TTC21A: variants seen among roughly 807,000 people sequenced by gnomAD.
TTC21A encodes the protein tetratricopeptide repeat domain 21A, also known as tetratricopeptide repeat protein 21A.
Under a neutral mutation model 156.4 loss-of-function variants are expected in TTC21A, and 128 were observed. That is an observed-to-expected ratio of 0.82 (90% confidence interval 0.71 to 0.95). The LOEUF is 0.95. Ranked by LOEUF, TTC21A falls within the 40% of genes least tolerant of loss-of-function variation. The pLI, the probability that TTC21A is intolerant of heterozygous loss-of-function variation, is 0.00. For synonymous variants in TTC21A, 587 were observed against 617.1 expected, an observed-to-expected ratio of 0.95 and a Z score of 0.72; for missense variants, 1,435 against 1,602.3, an observed-to-expected ratio of 0.90 and a Z score of 1.78.
chr3:39,129,540 C>A (rs546821231), intron 15 of TTC21A, among the ~76,000 whole-genome samples: 1 of 152,352 alleles, frequency 6.6e-6, no homozygotes, highest in East Asian at 1.9e-4. Flanking sequence ...CTTGCCTCCC[C>A]CTCACCTGCT....
At chr3:39,126,127 A>G in intron 11 of TTC21A, 134 bp from the exon 12 acceptor site, 2 of 1,106,972 alleles carry the variant, frequency 1.8e-6, no homozygotes, top group South Asian at 1.5e-5. Flanking sequence ...TCTAAGCACT[A>G]GGTGATACAG....
At chr3:39,110,335 A>G (rs1023824775) in intron 3 of TTC21A, 196 bp downstream of exon 3, 6 of 641,888 alleles carry the variant, frequency 9.3e-6, no homozygotes, top group Non-Finnish European at 1.1e-5. Context: ...CCTGGGCCCA[A>G]CTGAGTGGAA....
intron 7 of TTC21A, chr3:39,118,453 A>G (rs1262119919): frequency 2.1e-6 from 1 of 476,362 alleles, no homozygotes; most frequent in African/African-American, 1.9e-5. Context: ...TCCTGTTTGT[A>G]AAATAGACAG....
rs1559682351 is a variant in TTC21A, at chr3:39,119,654, A to AAAAAAAAG, written c.802-261_802-260insGAAAAAAA. The AAAAAAAAG allele has an allele frequency of 1.5e-3, 317 of 211,268 alleles. 2 individuals carry two copies. The highest frequency in any genetic ancestry group is 5.9e-3 in the African/African-American group (235 of 39,898). 13.1% of individuals were successfully genotyped at this position (211,268 alleles called of 1,614,324 possible). On this transcript the variant is annotated intron_variant, in intron 7 of 28. Transcript: ENST00000683103. ...GTCAAAAAAAAAAAAGAAAAAAAAGAAAAAAAAAAAACAAATTCAAGAACA... is the reference window on the plus strand; with the variant it reads ...GTCAAAAAAAAAAAAGAAAAAAAAGAAAAAAAAGAAAAAAAAAAACAAATTCAAGAACA...
chr3:39,121,074 C>T lies in TTC21A; in HGVS notation c.978C>T (p.Val326=). The change falls in exon 9 of 29, where the codon GTC becomes GTT. Residue 326 remains valine, a synonymous_variant. Coordinates refer to ENST00000683103, the MANE Select transcript of TTC21A (RefSeq NM_001366900.1). ...CCTTCATGGCCACCCCCTCGTATGT[C>T]CATGTGGCCACAGAACTGGGCTATC... The part of the protein sequence containing the change: ...ERTFMATPSY[V]HVATELGYLF... 1 of 1,614,128 alleles carries T rather than the reference C, an allele frequency of 6.2e-7. No homozygotes were observed. The highest frequency in any genetic ancestry group is 8.5e-7 in the Non-Finnish European group (1 of 1,179,998).
chr3:39,116,926 T>C (rs1021418024), intron 6 of TTC21A, among the ~76,000 whole-genome samples: 1 of 152,200 alleles, frequency 6.6e-6, no homozygotes, highest in African/African-American at 2.4e-5. Flanking sequence ...AGGCTGGTCT[T>C]GAACTCCTGG....
chr3:39,118,204 G>A (rs1419062560), intron 7 of TTC21A, 51 bp downstream of exon 7: 2 of 1,572,794 alleles, frequency 1.3e-6, no homozygotes, highest in Admixed American at 1.7e-5. Flanking sequence ...AATCAAGGAG[G>A]AACCCTTCAT....
intron 3 of TTC21A, 74 bp from the exon 4 acceptor site, chr3:39,110,777 C>T: frequency 1.3e-6 from 2 of 1,549,646 alleles, no homozygotes; most frequent in Non-Finnish European, 1.8e-6. Context: ...TCCCTGGGCC[C>T]TCGGTGGCCC....
chr3:39,119,892 A>G (rs2037612701), intron 7 of TTC21A, 30 bp from the exon 8 acceptor site: 2 of 1,489,332 alleles, frequency 1.3e-6, no homozygotes, highest in Non-Finnish European at 1.9e-6. Flanking sequence ...TGCACCTTGC[A>G]TGTTGACATT....
chr3:39,108,941 G>A lies in TTC21A; in HGVS notation c.28-144G>A, dbSNP rs908504013. 58 of 889,402 alleles carry A rather than the reference G, an allele frequency of 6.5e-5. No individual in the cohort carries two copies. The African/African-American group carries it at 8.0e-4, about 12-fold the overall frequency. 55.1% of individuals were successfully genotyped at this position (889,402 alleles called of 1,614,324 possible). A position where few individuals can be genotyped will look rare whatever the true frequency, so the allele number is the denominator to read the frequency against. On this transcript the variant is annotated intron_variant, in intron 1 of 28. Coordinates refer to ENST00000683103, the MANE Select transcript of TTC21A (RefSeq NM_001366900.1). The stretch of plus-strand genomic sequence containing the variant: ...CCAGGGCTGTTAGAGGACAGGATGA[G>A]GCCTGAATGTTTCCTCTTTCTCTTC...
Position 39,130,121 on chromosome 3 carries a change from ACTG to A in TTC21A, c.2179_2181del (p.Leu727del), listed in dbSNP as rs2038608743. 6.2e-7 allele frequency: 1 copy of A among 1,614,130 alleles called. No individual in the cohort carries two copies. The highest frequency in any genetic ancestry group is 1.6e-4 in the Middle Eastern group (1 of 6,062). On this transcript the variant is annotated inframe_deletion, in exon 16 of 29. Coordinates refer to ENST00000683103, the MANE Select transcript of TTC21A (RefSeq NM_001366900.1). The surrounding 1 kb of genome is among the most constrained non-coding windows in gnomAD (Gnocchi z 4.5). Reference sequence around the variant, plus strand: ...TGCCTGGCCCCCACACCAGCCTGCTACTGGGCGATGCCTTAATGAGCATTCTGG... The same window carrying A: ...TGCCTGGCCCCCACACCAGCCTGCTAGGCGATGCCTTAATGAGCATTCTGG...
In TTC21A at chr3:39,130,531, C is replaced by A; in HGVS notation, c.2320-170C>A. On this transcript the variant is annotated intron_variant, in intron 17 of 28. Transcript: ENST00000683103. The surrounding 1 kb of genome is among the most constrained non-coding windows in gnomAD (Gnocchi z 4.5). ...CTCAGCAACTCTCTGCTGCTGACCA[C>A]ACCTGCTTAAGCTGAGGGTTACACC... 3 of 1,000,046 alleles carry A rather than the reference C, an allele frequency of 3.0e-6. No homozygotes were observed. Among genetic ancestry groups the A allele is most frequent in the Non-Finnish European group, 1.5e-6 (1 of 671,458 alleles). 61.9% of individuals were successfully genotyped at this position (1,000,046 alleles called of 1,614,324 possible).
In TTC21A at chr3:39,138,568, C is replaced by G. The variant is rs761849443; in HGVS notation, c.3809C>G (p.Ala1270Gly). ...ATGTCCCCGGTAGGCTTCAAACTTGCTTTCAACTACCTGAAGGACAAGAAA... is the reference window on the plus strand; with the variant it reads ...ATGTCCCCGGTAGGCTTCAAACTTGGTTTCAACTACCTGAAGGACAAGAAA... ...HANPAIGFKL[A>G]FNYLKDKKFV... Residue 1270 changes from alanine to glycine, a missense_variant, in exon 28 of 29, where the codon GCT (alanine) becomes GGT (glycine). By Grantham distance (60) the Ala-to-Gly change is moderately conservative (BLOSUM62 0). Transcript: ENST00000683103. The G allele has an allele frequency of 5.6e-6, 9 of 1,614,088 alleles. No individual in the cohort carries two copies. Among genetic ancestry groups the G allele is most frequent in the South Asian group, 1.1e-5 (1 of 91,090 alleles).
chr3:39,138,547 C>G lies in TTC21A; in HGVS notation c.3797-9C>G. ...GTGCCACCATCTTTGCTCTCCATGT[C>G]CCCGGTAGGCTTCAAACTTGCTTTC... On this transcript the variant is annotated splice_polypyrimidine_tract_variant and intron_variant, in intron 27 of 28. Coordinates refer to ENST00000683103, the MANE Select transcript of TTC21A (RefSeq NM_001366900.1). The G allele has an allele frequency of 3.1e-6, 5 of 1,614,158 alleles. No individual in the cohort carries two copies. Among genetic ancestry groups the G allele is most frequent in the Non-Finnish European group, 4.2e-6 (5 of 1,180,010 alleles).
At chr3:39,124,672 A>AC (rs1339309908) in intron 9 of TTC21A, among the ~76,000 whole-genome samples, 5 of 150,962 alleles carry the variant, frequency 3.3e-5, no homozygotes, top group African/African-American at 1.2e-4. Context: ...AAAAAAAAAA[A>AC]AGCAGATTGT....
chr3:39,118,416 T>C, intron 7 of TTC21A: 1 of 541,474 alleles, frequency 1.8e-6, no homozygotes, highest in Non-Finnish European at 3.3e-6. Flanking sequence ...CCTGGGCAGG[T>C]GTCCCCACCT....
At position 39,125,418 on chromosome 3, in the gene TTC21A, G is replaced by A. The variant is rs1266384963; in HGVS notation, c.1278G>A (p.Glu426=). 2 of 1,614,038 alleles carry A rather than the reference G, an allele frequency of 1.2e-6. No homozygotes were observed. Among genetic ancestry groups the A allele is most frequent in the African/African-American group, 2.7e-5 (2 of 74,924 alleles). ...ETTALLKEAV[E]LHFSSMQGIP... is the part of the protein sequence containing the mutation. ...CAGCGCTCCTGAAGGAGGCAGTGGA[G>A]CTTCACTTCTCCAGCATGCAAGGCA... The change falls in exon 11 of 29, where the codon GAG becomes GAA. Residue 426 remains glutamate, a synonymous_variant. Transcript: ENST00000683103.
intron 22 of TTC21A, chr3:39,136,108 A>G: frequency 6.5e-6 from 2 of 309,490 alleles, no homozygotes; most frequent in East Asian, 1.2e-4. Context: ...GTTAATATAT[A>G]GGTAAAGCAC....
intron 6 of TTC21A, among the ~76,000 whole-genome samples, chr3:39,116,781 C>G (rs918648493): frequency 4.1e-4 from 62 of 152,248 alleles, no homozygotes; most frequent in African/African-American, 1.5e-3. Flanking sequence ...AATTTCTGTT[C>G]TTAACTTTTT....
Sources: allele counts gnomAD v4.1 joint callset (sites outside exome capture counted in the v4.1 genomes callset), GRCh38; gene constraint gnomAD v4.1.1; non-coding constraint Gnocchi (gnomAD v3.1); transcripts MANE v1.5; gene names NCBI Gene and HGNC (gene_info 2026-07-23, HGNC 2026-07-21).